Variants in KSR2 observed in about 807,000 individuals in gnomAD.
The protein encoded by KSR2 is kinase suppressor of ras 2.
In KSR2, 25 loss-of-function variants were observed where a neutral mutation model predicts 107.8. That is an observed-to-expected ratio of 0.23 (90% confidence interval 0.17 to 0.32). KSR2 has a LOEUF of 0.32. KSR2 is among the 10% of genes least tolerant of loss of function. The probability of loss-of-function intolerance (pLI) is 1.00; values close to 1 mark genes in which losing one functional copy is unlikely to be tolerated. For synonymous variants in KSR2, 480 were observed against 507.0 expected (o/e 0.95, Z 0.71); for missense variants, 887 against 1,268.9 (o/e 0.70, Z 4.57).
intron 9 of KSR2, among the ~76,000 whole-genome samples, chr12:117,554,457 A>T (rs1463866010): frequency 6.6e-6 from 1 of 152,118 alleles, no homozygotes; most frequent in Admixed American, 6.5e-5. Context: ...CCATCTGCAA[A>T]GTTGGTCCTG....
chr12:117,717,666 G>GTATGTGTGTGTGT (rs1887038768), intron 4 of KSR2, among the ~76,000 whole-genome samples: 2 of 144,366 alleles, frequency 1.4e-5, no homozygotes, highest in African/African-American at 5.2e-5. Context: ...GGGGCAGACA[G>GTATGTGTGTGTGT]GTGTGTGTGT....
At chr12:117,645,762 T>C (rs1883589036) in intron 5 of KSR2, among the ~76,000 whole-genome samples, 1 of 152,064 alleles carries the variant, frequency 6.6e-6, no homozygotes, top group East Asian at 1.9e-4. Flanking sequence ...TCAAATACAG[T>C]GGGTGGAGAA....
In KSR2 at chr12:117,946,673, A is replaced by T. The variant is rs150009048; in HGVS notation, c.180+21403T>A. ...CTAAACAAAGGCAGTACAAAAAAGG[A>T]AAACCACAGATCAATATCCCTCATG... On this transcript the variant is annotated intron_variant, in intron 1 of 19. Coordinates refer to ENST00000339824, the MANE Select transcript of KSR2 (RefSeq NM_173598.6). Among the ~76,000 whole-genome samples, 884 of 152,286 alleles carry T rather than the reference A, an allele frequency of 5.8e-3. 9 individuals are homozygous for T. The highest frequency in any genetic ancestry group is 0.019 in the African/African-American group (810 of 41,566).
chr12:117,855,908 C>A (rs1476709677), intron 2 of KSR2, among the ~76,000 whole-genome samples: 1 of 152,128 alleles, frequency 6.6e-6, no homozygotes, highest in Non-Finnish European at 1.5e-5. Context: ...TAAGGCAGGG[C>A]CCCATTTTTT....
At position 117,815,990 on chromosome 12, in the gene KSR2, A is replaced by AGTGT. The variant is rs35013081; in HGVS notation, c.472+39434_472+39437dup. On this transcript the variant is annotated intron_variant, in intron 3 of 19. Transcript: ENST00000339824. ...ACTCTGTCTCAAAAAAAAAAAATAA[A>AGTGT]GTGTGTGTGTGTGTGTGTGTGTGTG... 8.2e-3 allele frequency among the ~76,000 whole-genome samples: 926 copies of AGTGT among 113,546 alleles called. 6 individuals carry two copies. Among genetic ancestry groups the AGTGT allele is most frequent in the South Asian group, 0.019 (55 of 2,912 alleles). The allele number at this position is 113,546 out of a possible 152,430, so 74.5% of individuals were successfully genotyped here. A position where few individuals can be genotyped will look rare whatever the true frequency, so the allele number is the denominator to read the frequency against.
chr12:117,659,648 CTGGG>C (rs1202261217), intron 5 of KSR2, among the ~76,000 whole-genome samples: 1 of 152,158 alleles, frequency 6.6e-6, no homozygotes, highest in Non-Finnish European at 1.5e-5. Context: ...CTCTATAGCC[CTGGG>C]CAAGTCCTTC....
chr12:117,920,901 C>T (rs1895322399), intron 1 of KSR2, among the ~76,000 whole-genome samples: 1 of 152,148 alleles, frequency 6.6e-6, no homozygotes, highest in African/African-American at 2.4e-5. Flanking sequence ...GGGTGGCAAA[C>T]TTGAGAAAAT....
intron 14 of KSR2, among the ~76,000 whole-genome samples, chr12:117,493,421 T>C (rs1872851681): frequency 6.6e-6 from 1 of 152,146 alleles, no homozygotes; most frequent in Non-Finnish European, 1.5e-5. Flanking sequence ...CCTCTTCTCA[T>C]ATGACTCTCC....
intron 4 of KSR2, among the ~76,000 whole-genome samples, chr12:117,680,198 T>C (rs1041088959): frequency 1.3e-5 from 2 of 152,162 alleles, no homozygotes; most frequent in Non-Finnish European, 2.9e-5. Context: ...TATCCCTGAA[T>C]TGTATGCCAC....
At chr12:117,882,746 CATCCATCCATCCAACA>C (rs1428573343) in intron 1 of KSR2, among the ~76,000 whole-genome samples, 1 of 152,056 alleles carries the variant, frequency 6.6e-6, no homozygotes, top group Non-Finnish European at 1.5e-5. Context: ...ACCACCCATC[CATCCATCCATCCAACA>C]ATCCATCCAT....
At chr12:117,785,589 A>C (rs1299413870) in intron 3 of KSR2, among the ~76,000 whole-genome samples, 1 of 152,176 alleles carries the variant, frequency 6.6e-6, no homozygotes, top group East Asian at 1.9e-4. Context: ...GAGAAACAGA[A>C]GCTATTAAAA....
At chr12:117,548,562 A>G (rs1362795212) in intron 9 of KSR2, among the ~76,000 whole-genome samples, 1 of 152,134 alleles carries the variant, frequency 6.6e-6, no homozygotes, top group Non-Finnish European at 1.5e-5. Flanking sequence ...TCTGATCAAC[A>G]GTGGGCTATT....
rs545799475 is a variant in KSR2 at position 117,581,315 on chromosome 12, C to T, written c.1241+975G>A. 8.3e-4 allele frequency among the ~76,000 whole-genome samples: 127 copies of T among 152,222 alleles called. 2 individuals carry two copies. The South Asian group carries it at 0.015, about 17-fold the overall frequency. On this transcript the variant is annotated intron_variant, in intron 6 of 19. Transcript: ENST00000339824. ...ATGGTCTGTTAACTATCTGACCCTC[C>T]CCTAGACCACGAGCTCCCCAAGGGA...
chr12:117,733,701 T>C (rs1887821282), intron 4 of KSR2, among the ~76,000 whole-genome samples: 1 of 152,158 alleles, frequency 6.6e-6, no homozygotes, highest in African/African-American at 2.4e-5. Flanking sequence ...TAGAATGTTT[T>C]AGGTGCCCGA....
chr12:117,819,373 G>A (rs1891484654), intron 3 of KSR2, among the ~76,000 whole-genome samples: 1 of 152,206 alleles, frequency 6.6e-6, no homozygotes, highest in South Asian at 2.1e-4. Context: ...TGCCCTAGAG[G>A]GCGTCGTAGG....
intron 4 of KSR2, among the ~76,000 whole-genome samples, chr12:117,699,000 C>T (rs1429312133): frequency 6.6e-6 from 1 of 152,154 alleles, no homozygotes; most frequent in Non-Finnish European, 1.5e-5. Flanking sequence ...CCATCCCGTC[C>T]CCTTCATCTA....
chr12:117,555,060 A>T (rs1877565004), intron 9 of KSR2, 109 bp downstream of exon 9: 20 of 1,339,050 alleles, frequency 1.5e-5, no homozygotes, highest in Non-Finnish European at 2.1e-5. Context: ...GGGAGCCGAG[A>T]CGGGCTAGGA....
intron 3 of KSR2, among the ~76,000 whole-genome samples, chr12:117,839,388 T>C (rs1476749437): frequency 6.6e-6 from 1 of 152,224 alleles, no homozygotes; most frequent in Non-Finnish European, 1.5e-5. Flanking sequence ...GTGACCTTGG[T>C]TGGGTACCAT....
chr12:117,515,142 C>T (rs1381227219), intron 14 of KSR2, among the ~76,000 whole-genome samples: 1 of 152,154 alleles, frequency 6.6e-6, no homozygotes, highest in Non-Finnish European at 1.5e-5. Flanking sequence ...ATCATGCCTT[C>T]CTCTCTCTAT....
Sources: gnomAD v4.1 joint callset for allele counts (sites outside exome capture counted in the v4.1 genomes callset) on GRCh38, gnomAD v4.1.1 for gene constraint, MANE v1.5 for transcripts, NCBI Gene and HGNC (gene_info 2026-07-23, HGNC 2026-07-21) for gene names.